TUT7: variants seen among roughly 807,000 people sequenced by gnomAD.
The protein encoded by TUT7 is terminal uridylyl transferase 7.
Under a neutral mutation model 165.9 loss-of-function variants are expected in TUT7, and 33 were observed. The ratio of observed to expected loss-of-function variants is 0.20; its 90% confidence interval spans 0.15 to 0.27. TUT7 has a LOEUF of 0.27. Ranked by LOEUF, TUT7 falls within the 10% of genes least tolerant of loss-of-function variation. TUT7 has a pLI of 1.00. For synonymous variants in TUT7, 552 were observed against 608.1 expected (o/e 0.91, Z 1.36); for missense variants, 1,338 against 1,762.3 (o/e 0.76, Z 4.31).
chr9:86,293,720 G>A (rs1826065003), intron 26 of TUT7, among the ~76,000 whole-genome samples: 2 of 152,074 alleles, frequency 1.3e-5, no homozygotes, highest in Non-Finnish European at 2.9e-5. Context: ...ACAAATATGC[G>A]ACTATTCATT....
chr9:86,337,205 A>G, intron 10 of TUT7: 1 of 502,660 alleles, frequency 2.0e-6, no homozygotes, highest in East Asian at 3.9e-5. Flanking sequence ...CAGTCTAGAA[A>G]GGTAATAATA....
At chr9:86,296,080 G>C (rs754786454) in intron 26 of TUT7, among the ~76,000 whole-genome samples, 3 of 152,198 alleles carry the variant, frequency 2.0e-5, no homozygotes, top group Admixed American at 6.5e-5. Flanking sequence ...AGTTAGAAGA[G>C]AGAAATTACA....
At chr9:86,336,063 G>A (rs1442096713) in intron 10 of TUT7, among the ~76,000 whole-genome samples, 2 of 152,142 alleles carry the variant, frequency 1.3e-5, no homozygotes, top group Non-Finnish European at 2.9e-5. Context: ...TCATGTTAAT[G>A]ACAGATGACT....
chr9:86,303,753 G>A (rs1402421584), intron 24 of TUT7, among the ~76,000 whole-genome samples: 7 of 152,152 alleles, frequency 4.6e-5, no homozygotes. Context: ...GCATCCCCAG[G>A]GAGCTTGCTG....
Position 86,338,805 on chromosome 9 carries a change from TAA to T in TUT7, c.1335+16_1335+17del, listed in dbSNP as rs1397510677. The T allele has an allele frequency of 1.3e-6, 2 of 1,585,814 alleles. No homozygotes were observed. The highest frequency in any genetic ancestry group is 2.3e-5 in the South Asian group (2 of 85,618). ...TACATATGTAGAATGTATTCATGCATAAAGACCTCAAGCCTACCTTTGCCCAG... is the reference window on the plus strand; with the variant it reads ...TACATATGTAGAATGTATTCATGCATAGACCTCAAGCCTACCTTTGCCCAG... On this transcript the variant is annotated intron_variant, in intron 9 of 26. Coordinates refer to ENST00000375963, the MANE Select transcript of TUT7 (RefSeq NM_024617.4).
At chr9:86,309,616 T>C in intron 19 of TUT7, 40 bp from the exon 20 acceptor site, 1 of 1,487,528 alleles carries the variant, frequency 6.7e-7, no homozygotes. Flanking sequence ...AAAGGTCTGT[T>C]TTCTGCTAAC....
intron 18 of TUT7, among the ~76,000 whole-genome samples, chr9:86,310,461 A>T (rs893122582): frequency 6.6e-6 from 1 of 152,190 alleles, no homozygotes; most frequent in Non-Finnish European, 1.5e-5. Flanking sequence ...TTCAGTAGAT[A>T]TAAGATCTCT....
At chr9:86,336,498 C>T (rs76958455) in intron 10 of TUT7, among the ~76,000 whole-genome samples, 3,705 of 152,270 alleles carry the variant, frequency 0.024, 156 homozygotes, top group African/African-American at 0.083. Flanking sequence ...TTTATTCCCA[C>T]GGCCTGGTAG....
At chr9:86,329,590 G>A (rs1221575296) in intron 10 of TUT7, among the ~76,000 whole-genome samples, 2 of 151,942 alleles carry the variant, frequency 1.3e-5, no homozygotes, top group Non-Finnish European at 2.9e-5. Context: ...ATGGGATGGA[G>A]TATGGATGTG....
intron 26 of TUT7, among the ~76,000 whole-genome samples, chr9:86,292,564 G>A (rs1003303065): frequency 6.6e-6 from 1 of 150,620 alleles, no homozygotes. Flanking sequence ...TGTTGGTGAT[G>A]GTACTCAAGG....
intron 17 of TUT7, among the ~76,000 whole-genome samples, chr9:86,313,313 A>T (rs1229158362): frequency 1.3e-5 from 2 of 152,042 alleles, no homozygotes; most frequent in East Asian, 3.9e-4. Flanking sequence ...CTTATGAAAA[A>T]CAACTGGGTG....
intron 2 of TUT7, among the ~76,000 whole-genome samples, chr9:86,349,624 T>C (rs901219869): frequency 6.6e-6 from 1 of 152,242 alleles, no homozygotes; most frequent in African/African-American, 2.4e-5. Flanking sequence ...CATTGTTGAA[T>C]AATACCCTTC....
rs1587887549 is a variant in TUT7 at position 86,309,454 on chromosome 9, C to T, written c.3582+9G>A. 6.3e-7 allele frequency: 1 copy of T among 1,596,560 alleles called. No homozygotes were observed. Among genetic ancestry groups the T allele is most frequent in the Non-Finnish European group, 8.5e-7 (1 of 1,170,808 alleles). ...TCCAGATAAGAAATACAATTTCATT[C>T]ACTAATACCTCTTGAAGGACAGGAA... is the stretch of plus-strand genomic sequence containing the variant. On this transcript the variant is annotated intron_variant, in intron 20 of 26. Coordinates refer to ENST00000375963, the MANE Select transcript of TUT7 (RefSeq NM_024617.4).
At position 86,309,937 on chromosome 9, in the gene TUT7, T is replaced by C. The variant is rs937555356; in HGVS notation, c.3459A>G (p.Val1153=). 6.8e-6 allele frequency: 11 copies of C among 1,613,414 alleles called. No homozygotes were observed. The highest frequency in any genetic ancestry group is 1.3e-5 in the African/African-American group (1 of 74,932). The change falls in exon 19 of 27, where the codon GTA becomes GTG. Residue 1153 remains valine, a synonymous_variant. Transcript: ENST00000375963. ...RVKYLCYTMK[V]FTKMCDIGDA... ...TAGGAAGCATACTCACCTTTGTAAA[T>C]ACTTTCATGGTATAGCACAAATACT...
chr9:86,306,064 A>G (rs2131329898), intron 22 of TUT7, among the ~76,000 whole-genome samples: 1 of 152,340 alleles, frequency 6.6e-6, no homozygotes, highest in African/African-American at 2.4e-5. Flanking sequence ...TAAGTGATCT[A>G]AAATAACATA....
chr9:86,298,041 T>G (rs1826515418), intron 26 of TUT7, among the ~76,000 whole-genome samples: 1 of 151,860 alleles, frequency 6.6e-6, no homozygotes, highest in Admixed American at 6.6e-5. Context: ...TTTACCAGTC[T>G]AACACCAATT....
chr9:86,323,751 T>C lies in TUT7; in HGVS notation c.1999A>G (p.Lys667Glu), dbSNP rs951148608. 4.3e-6 allele frequency: 7 copies of C among 1,613,546 alleles called. No individual in the cohort carries two copies. Among genetic ancestry groups the C allele is most frequent in the South Asian group, 1.1e-5 (1 of 91,060 alleles). The part of the protein sequence containing the change: ...VINHHPDVQT[K>E]DDKLKNSVLA... ...ACTGAGTTTTTGAGCTTATCATCTT[T>C]TGTTTGTACATCTGGATGATGATTT... The change falls in exon 13 of 27, where the codon AAA becomes GAA. Residue 667 changes from lysine (K) to glutamate (E), a missense_variant. Lys to Glu is a moderately conservative substitution (Grantham distance 56, BLOSUM62 1). Transcript: ENST00000375963.
At chr9:86,296,579 G>T (rs1365719068) in intron 26 of TUT7, among the ~76,000 whole-genome samples, 1 of 152,188 alleles carries the variant, frequency 6.6e-6, no homozygotes, top group East Asian at 1.9e-4. Flanking sequence ...AAGAGAACTT[G>T]ACTGAGTGCC....
intron 13 of TUT7, 75 bp downstream of exon 13, chr9:86,322,798 T>C (rs1047199026): frequency 5.5e-6 from 8 of 1,463,114 alleles, no homozygotes; most frequent in South Asian, 1.4e-5. Context: ...ATTCCTAGTA[T>C]ATAAAAATTG....
Sources: gnomAD v4.1 joint callset for allele counts (sites outside exome capture counted in the v4.1 genomes callset) on GRCh38, gnomAD v4.1.1 for gene constraint, MANE v1.5 for transcripts, NCBI Gene and HGNC (gene_info 2026-07-23, HGNC 2026-07-21) for gene names.